Variants in PTGS1 observed in about 807,000 individuals in gnomAD.
PTGS1 encodes prostaglandin-endoperoxide synthase 1, also known as prostaglandin G/H synthase 1.
In PTGS1, 40 loss-of-function variants were observed where a neutral mutation model predicts 63.0. That is an observed-to-expected ratio of 0.63 (90% confidence interval 0.49 to 0.83). PTGS1 has a LOEUF of 0.83. PTGS1 is among the 40% of genes least tolerant of loss of function. The pLI is 0.00. For synonymous variants in PTGS1, 298 were observed against 301.9 expected, an observed-to-expected ratio of 0.99 and a Z score of 0.13; for missense variants, 709 against 786.5, an observed-to-expected ratio of 0.90 and a Z score of 1.18.
Position 122,383,686 on chromosome 9 carries a change from C to A in PTGS1, c.940C>A (p.Leu314Met). The A allele has an allele frequency of 6.2e-7, 1 of 1,613,996 alleles. No homozygotes were observed. Among genetic ancestry groups the A allele is most frequent in the Non-Finnish European group, 8.5e-7 (1 of 1,179,942 alleles). The stretch of plus-strand genomic sequence containing the variant: ...ACGTGAGCACAACCGTGTGTGTGAC[C>A]TGCTGAAGGCTGAGCACCCCACCTG... Reference protein sequence around the residue: ...WLREHNRVCDLLKAEHPTWGD... With the variant: ...WLREHNRVCDMLKAEHPTWGD... Residue 314 changes from leucine (L) to methionine (M), a missense_variant, in exon 8 of 11, where the codon CTG becomes ATG. Physicochemically the swap from Leu to Met is conservative, Grantham distance 15. Transcript: ENST00000362012.
At chr9:122,390,905 G>T (rs1838182243) in intron 10 of PTGS1, among the ~76,000 whole-genome samples, 1 of 151,988 alleles carries the variant, frequency 6.6e-6, no homozygotes, top group Non-Finnish European at 1.5e-5. Context: ...TCAAAAAAAA[G>T]AAAGTACAAA....
Position 122,383,676 on chromosome 9 carries a change from T to C in PTGS1, c.930T>C (p.Arg310=), listed in dbSNP as rs1837682056. Residue 310 remains arginine, a synonymous_variant, in exon 8 of 11, where the codon CGT becomes CGC. Coordinates refer to ENST00000362012, the MANE Select transcript of PTGS1 (RefSeq NM_000962.4). ...YATLWLREHN[R]VCDLLKAEHP... ...CGCTCTGGCTACGTGAGCACAACCG[T>C]GTGTGTGACCTGCTGAAGGCTGAGC... 6.2e-7 allele frequency: 1 copy of C among 1,613,928 alleles called. No homozygotes were observed. The highest frequency in any genetic ancestry group is 8.5e-7 in the Non-Finnish European group (1 of 1,180,010).
chr9:122,390,439 C>T (rs529105392), intron 10 of PTGS1, 94 bp downstream of exon 10: 18 of 1,378,482 alleles, frequency 1.3e-5, no homozygotes, highest in Non-Finnish European at 1.6e-5. Flanking sequence ...ACAATACATG[C>T]GGCAATGTGT....
intron 8 of PTGS1, among the ~76,000 whole-genome samples, chr9:122,384,282 T>C (rs767913880): frequency 6.6e-5 from 10 of 152,142 alleles, no homozygotes; most frequent in Non-Finnish European, 1.5e-4. Flanking sequence ...CAACCTAAAA[T>C]GTCAGATGGT....
At chr9:122,376,332 T>A (rs1468384692) in intron 2 of PTGS1, among the ~76,000 whole-genome samples, 2 of 150,850 alleles carry the variant, frequency 1.3e-5, no homozygotes, top group South Asian at 4.2e-4. Context: ...GCATGATTCT[T>A]GTGGTCCTTG....
At chr9:122,371,825 C>T (rs1160235906) in intron 2 of PTGS1, 5 of 1,531,768 alleles carry the variant, frequency 3.3e-6, no homozygotes, top group Non-Finnish European at 4.4e-6. Context: ...AATGAGGAAA[C>T]CGAGGCTCAG....
chr9:122,372,212 G>A (rs541797411), intron 2 of PTGS1, among the ~76,000 whole-genome samples: 1 of 152,212 alleles, frequency 6.6e-6, no homozygotes, highest in Admixed American at 6.5e-5. Context: ...GAGGGAGTCC[G>A]CACTTTCTGC....
At chr9:122,371,798 G>T in intron 2 of PTGS1, 1 of 1,534,966 alleles carries the variant, frequency 6.5e-7, no homozygotes, top group Non-Finnish European at 8.7e-7. Context: ...TGGGGTTTAA[G>T]AGATCCCCAT....
At chr9:122,376,907 G>C (rs1837201653) in intron 2 of PTGS1, among the ~76,000 whole-genome samples, 1 of 152,220 alleles carries the variant, frequency 6.6e-6, no homozygotes, top group South Asian at 2.1e-4. Context: ...GATTTAGCAA[G>C]GGGGTGGTGG....
chr9:122,390,233 G>T lies in PTGS1; in HGVS notation c.1332G>T (p.Leu444=). ...GGGRNMDHHI[L]HVAVDVIRES... Reference sequence around the variant, plus strand: ...GCAGGAACATGGACCACCACATCCTGCATGTGGCTGTGGATGTCATCAGGG... The same window carrying T: ...GCAGGAACATGGACCACCACATCCTTCATGTGGCTGTGGATGTCATCAGGG... Residue 444 remains leucine, a synonymous_variant, in exon 10 of 11, where the codon CTG becomes CTT. Coordinates refer to ENST00000362012, the MANE Select transcript of PTGS1 (RefSeq NM_000962.4). 1 of 1,614,128 alleles carries T rather than the reference G, an allele frequency of 6.2e-7. No individual in the cohort carries two copies. The highest frequency in any genetic ancestry group is 8.5e-7 in the Non-Finnish European group (1 of 1,180,010).
chr9:122,377,695 G>A (rs1219848694), intron 2 of PTGS1, among the ~76,000 whole-genome samples: 1 of 152,188 alleles, frequency 6.6e-6, no homozygotes, highest in East Asian at 1.9e-4. Flanking sequence ...GCAGGGCCTG[G>A]AAATGTCAGG....
intron 2 of PTGS1, among the ~76,000 whole-genome samples, chr9:122,376,373 T>C (rs1351063726): frequency 1.4e-5 from 2 of 145,090 alleles, no homozygotes; most frequent in African/African-American, 2.8e-5. Flanking sequence ...TGTGTGTGTG[T>C]GTGTGTGTGT....
chr9:122,375,019 T>C (rs181405706), intron 2 of PTGS1, among the ~76,000 whole-genome samples: 4 of 152,322 alleles, frequency 2.6e-5, no homozygotes, highest in Admixed American at 2.6e-4. Context: ...TGGAAGGTTG[T>C]GGACTTGGTC....
chr9:122,383,822 G>T (rs1239072961), intron 8 of PTGS1, 67 bp downstream of exon 8: 2 of 1,567,722 alleles, frequency 1.3e-6, no homozygotes, highest in African/African-American at 2.7e-5. Flanking sequence ...TGGGGGCGGG[G>T]GGGTACTTAG....
At chr9:122,371,778 A>T in intron 2 of PTGS1, 1 of 1,534,068 alleles carries the variant, frequency 6.5e-7, no homozygotes, top group African/African-American at 1.4e-5. Flanking sequence ...AGGAGCCGGG[A>T]TGCTTCATCT....
At position 122,395,483 on chromosome 9, in the gene PTGS1, A is replaced by G. The variant is rs2119208894; in HGVS notation, c.*2939A>G. Reference sequence around the variant, plus strand: ...TCTACAATCAGTTGACTTTAAGTGAAAGAGATTACTTAAATAATTTGGGTG... The same window carrying G: ...TCTACAATCAGTTGACTTTAAGTGAGAGAGATTACTTAAATAATTTGGGTG... On this transcript the variant is annotated 3_prime_UTR_variant, in exon 11 of 11. Coordinates refer to ENST00000362012, the MANE Select transcript of PTGS1 (RefSeq NM_000962.4). 6.6e-6 allele frequency: 1 copy of G among 152,270 alleles called. No homozygotes were observed. Among genetic ancestry groups the G allele is most frequent in the Non-Finnish European group, 1.5e-5 (1 of 68,024 alleles). 9.4% of individuals were successfully genotyped at this position (152,270 alleles called of 1,614,324 possible). A position where few individuals can be genotyped will look rare whatever the true frequency, so the allele number is the denominator to read the frequency against.
chr9:122,395,211 C>T lies in PTGS1; in HGVS notation c.*2667C>T, dbSNP rs996757933. The T allele has an allele frequency of 6.6e-6, 1 of 152,176 alleles. No individual in the cohort carries two copies. The highest frequency in any genetic ancestry group is 6.5e-5 in the Admixed American group (1 of 15,282). 9.4% of individuals were successfully genotyped at this position (152,176 alleles called of 1,614,324 possible). A position where few individuals can be genotyped will look rare whatever the true frequency, so the allele number is the denominator to read the frequency against. On this transcript the variant is annotated 3_prime_UTR_variant, in exon 11 of 11. Coordinates refer to ENST00000362012, the MANE Select transcript of PTGS1 (RefSeq NM_000962.4). ...AATGCAAGTGCCTAGATTAGGTAGA[C>T]TTTGCTTAGTATTGACAACTGCACA...
chr9:122,371,724 C>A, intron 2 of PTGS1: 1 of 1,515,028 alleles, frequency 6.6e-7, no homozygotes, highest in South Asian at 1.2e-5. Flanking sequence ...GAAGGTCTCC[C>A]CTGGTGAAGA....
At chr9:122,390,486 C>T in intron 10 of PTGS1, 141 bp downstream of exon 10, 1 of 1,028,518 alleles carries the variant, frequency 9.7e-7, no homozygotes, top group Non-Finnish European at 1.4e-6. Flanking sequence ...AAGTGCTGTG[C>T]CAGGGTGGTA....
Sources: gnomAD v4.1 joint callset for allele counts (sites outside exome capture counted in the v4.1 genomes callset) on GRCh38, gnomAD v4.1.1 for gene constraint, MANE v1.5 for transcripts, NCBI Gene and HGNC (gene_info 2026-07-23, HGNC 2026-07-21) for gene names.